The following PCBD2 variants were observed in gnomAD, a reference collection of about 807,000 sequenced individuals.
PCBD2 encodes pterin-4-alpha-carbinolamine dehydratase 2.
A neutral mutation model predicts 16.4 loss-of-function variants in PCBD2; 12 were observed. That is an observed-to-expected ratio of 0.73 (90% CI 0.47 to 1.19). The LOEUF is 1.19. Among genes scored for constraint, PCBD2 ranks in the 50% most tolerant of loss-of-function variants. The pLI is 0.00. For missense variants in PCBD2, 138 were observed against 156.8 expected (o/e 0.88, Z 0.64); for synonymous variants, 58 against 61.8 (o/e 0.94, Z 0.29).
chr5:134,929,811 C>T (rs1370065929), intron 2 of PCBD2, among the ~76,000 whole-genome samples: 1 of 152,164 alleles, frequency 6.6e-6, no homozygotes, highest in African/African-American at 2.4e-5. Context: ...CCTGCCTCAG[C>T]CTCCCAAGTA....
At chr5:134,919,835 T>TA (rs1750881369) in intron 2 of PCBD2, among the ~76,000 whole-genome samples, 1 of 152,272 alleles carries the variant, frequency 6.6e-6, no homozygotes, top group African/African-American at 2.4e-5. Flanking sequence ...ACCGCTTCAG[T>TA]ACTGCCATTA....
chr5:134,944,824 G>A (rs951843654), intron 2 of PCBD2, among the ~76,000 whole-genome samples: 9 of 152,196 alleles, frequency 5.9e-5, no homozygotes, highest in African/African-American at 2.2e-4. Flanking sequence ...ACAATAAACA[G>A]AAATGCCCTT....
intron 2 of PCBD2, among the ~76,000 whole-genome samples, chr5:134,945,837 A>C (rs1751289653): frequency 6.6e-6 from 1 of 152,172 alleles, no homozygotes; most frequent in South Asian, 2.1e-4. Context: ...AGTGATGTTA[A>C]GAAGTAACAG....
intron 2 of PCBD2, among the ~76,000 whole-genome samples, chr5:134,935,276 T>C (rs1361350491): frequency 6.6e-6 from 1 of 152,248 alleles, no homozygotes; most frequent in African/African-American, 2.4e-5. Flanking sequence ...TGCCCGTGCC[T>C]GACTGCGCCA....
At chr5:134,949,433 T>A (rs1448326664) in intron 2 of PCBD2, among the ~76,000 whole-genome samples, 1 of 152,172 alleles carries the variant, frequency 6.6e-6, no homozygotes, top group Non-Finnish European at 1.5e-5. Context: ...GTATATTACA[T>A]GAATTAGCTC....
At chr5:134,908,990 ACT>A (rs994962486) in intron 1 of PCBD2, 4 of 152,110 alleles carry the variant, frequency 2.6e-5, no homozygotes, top group Admixed American at 6.5e-5. Flanking sequence ...GCCTACAGTA[ACT>A]CTGCAAGTAG....
intron 2 of PCBD2, among the ~76,000 whole-genome samples, chr5:134,955,573 G>T (rs1751406293): frequency 6.6e-6 from 1 of 152,184 alleles, no homozygotes; most frequent in Non-Finnish European, 1.5e-5. Flanking sequence ...CTCCAAAAGT[G>T]CTGGGATAAC....
intron 2 of PCBD2, among the ~76,000 whole-genome samples, chr5:134,951,605 A>G (rs981699823): frequency 6.6e-6 from 1 of 152,246 alleles, no homozygotes; most frequent in Non-Finnish European, 1.5e-5. Context: ...GATGATATCA[A>G]CTTATATTCA....
At chr5:134,946,653 A>T (rs1751298783) in intron 2 of PCBD2, among the ~76,000 whole-genome samples, 1 of 152,202 alleles carries the variant, frequency 6.6e-6, no homozygotes, top group Non-Finnish European at 1.5e-5. Flanking sequence ...GTGAAATGGG[A>T]TGATACTCTA....
intron 2 of PCBD2, among the ~76,000 whole-genome samples, chr5:134,921,387 G>T (rs1398852100): frequency 6.6e-6 from 1 of 152,102 alleles, no homozygotes; most frequent in Non-Finnish European, 1.5e-5. Flanking sequence ...GGGGAGTTTT[G>T]AGTTGGTTCT....
chr5:134,946,023 G>T (rs1015219694), intron 2 of PCBD2, among the ~76,000 whole-genome samples: 1 of 151,700 alleles, frequency 6.6e-6, no homozygotes, highest in Non-Finnish European at 1.5e-5. Flanking sequence ...TTTCTTTGTG[G>T]CTATAAGCCC....
At chr5:134,905,390 G>A (rs911403609) in intron 1 of PCBD2, 167 bp downstream of exon 1, 1 of 501,394 alleles carries the variant, frequency 2.0e-6, no homozygotes, top group African/African-American at 2.0e-5. Flanking sequence ...CCTGTCCGGT[G>A]CGCCGCTCAG....
chr5:134,942,362 T>G (rs1751240188), intron 2 of PCBD2, among the ~76,000 whole-genome samples: 1 of 152,170 alleles, frequency 6.6e-6, no homozygotes, highest in Non-Finnish European at 1.5e-5. Flanking sequence ...AGAGCCTCAG[T>G]TCTCTTCTCT....
chr5:134,915,347 C>T (rs1482055417), intron 2 of PCBD2, among the ~76,000 whole-genome samples: 2 of 151,092 alleles, frequency 1.3e-5, no homozygotes, highest in Non-Finnish European at 2.9e-5. Context: ...ATCCATTGTC[C>T]TAACCTAGAA....
At chr5:134,951,106 C>G (rs1264565149) in intron 2 of PCBD2, among the ~76,000 whole-genome samples, 1 of 152,070 alleles carries the variant, frequency 6.6e-6, no homozygotes, top group African/African-American at 2.4e-5. Flanking sequence ...TCAAAAGGTA[C>G]CAAAGAATGT....
At chr5:134,940,072 ACT>A (rs1457855060) in intron 2 of PCBD2, among the ~76,000 whole-genome samples, 1 of 151,794 alleles carries the variant, frequency 6.6e-6, no homozygotes, top group Non-Finnish European at 1.5e-5. Flanking sequence ...GGGAGAAGTA[ACT>A]CTCCCAGGCG....
intron 1 of PCBD2, chr5:134,905,453 C>T: frequency 2.7e-6 from 1 of 368,394 alleles, no homozygotes; most frequent in Non-Finnish European, 4.8e-6. Context: ...ACACTTCCGC[C>T]GAAGCCTACG....
intron 2 of PCBD2, among the ~76,000 whole-genome samples, chr5:134,942,078 C>T (rs987663016): frequency 4.2e-5 from 6 of 141,322 alleles, no homozygotes; most frequent in Non-Finnish European, 7.5e-5. Flanking sequence ...TTGCAGTGAG[C>T]CAAGATCATG....
chr5:134,910,274 C>T (rs530888252), intron 1 of PCBD2, 61 bp from the exon 2 acceptor site: 1 of 1,549,012 alleles, frequency 6.5e-7, no homozygotes, highest in South Asian at 1.2e-5. Context: ...GGTAAGGAGC[C>T]ATAAGTTTGA....
Sources: allele counts gnomAD v4.1 joint callset (sites outside exome capture counted in the v4.1 genomes callset), GRCh38; gene constraint gnomAD v4.1.1; transcripts MANE v1.5; gene names NCBI Gene and HGNC (gene_info 2026-07-23, HGNC 2026-07-21).